The following FXR1 variants were observed in gnomAD, a reference collection of about 807,000 sequenced individuals.
FXR1 encodes RNA-binding protein FXR1.
Under a neutral mutation model 84.0 loss-of-function variants are expected in FXR1, and 15 were observed. The ratio of observed to expected loss-of-function variants is 0.18; its 90% CI spans 0.12 to 0.27. The LOEUF is 0.27. FXR1 is among the 10% of genes least tolerant of loss of function. The pLI is 1.00. For synonymous variants in FXR1, 245 were observed against 250.7 expected, an observed-to-expected ratio of 0.98 and a Z score of 0.21; for missense variants, 480 against 774.4, an observed-to-expected ratio of 0.62 and a Z score of 4.51.
chr3:180,942,357 G>A lies in FXR1; in HGVS notation c.199-5508G>A, dbSNP rs1319341753. The stretch of plus-strand genomic sequence containing the variant: ...TGCGCCACTGCACTCCAGCCTGGGC[G>A]ACAGAGCGAGACTCCGTCTCAAAAA... On this transcript the variant is annotated intron_variant, in intron 3 of 16. Transcript: ENST00000357559. Among the ~76,000 whole-genome samples the A allele has an allele frequency of 6.2e-5, 7 of 112,158 alleles. No homozygotes were observed. The East Asian group carries it at 1.1e-3, about 18-fold the overall frequency. 73.6% of individuals were successfully genotyped at this position (112,158 alleles called of 152,430 possible). A position where few individuals can be genotyped will look rare whatever the true frequency, so the allele number is the denominator to read the frequency against.
At chr3:180,974,134 A>G (rs554725572) in intron 15 of FXR1, among the ~76,000 whole-genome samples, 1 of 151,422 alleles carries the variant, frequency 6.6e-6, no homozygotes, top group East Asian at 2.0e-4. Context: ...GTATTTCTTA[A>G]AATCAGTGAA....
chr3:180,939,594 G>T (rs1244787182), intron 3 of FXR1, among the ~76,000 whole-genome samples: 1 of 152,144 alleles, frequency 6.6e-6, no homozygotes, highest in African/African-American at 2.4e-5. Flanking sequence ...CAGCCCGGGA[G>T]CTCTACCATC....
chr3:180,919,372 C>T (rs1412089753), intron 1 of FXR1, among the ~76,000 whole-genome samples: 1 of 149,836 alleles, frequency 6.7e-6, no homozygotes. Flanking sequence ...GCAACTTCCG[C>T]CTCCTGGGTT....
intron 3 of FXR1, 87 bp from the exon 4 acceptor site, chr3:180,947,778 T>G: frequency 1.8e-6 from 1 of 568,628 alleles, no homozygotes; most frequent in Non-Finnish European, 3.1e-6. Context: ...TTCTTAAGTT[T>G]ATTGGGATTG....
chr3:180,932,200 A>T (rs1425283244), intron 1 of FXR1, among the ~76,000 whole-genome samples: 1 of 151,682 alleles, frequency 6.6e-6, no homozygotes, highest in African/African-American at 2.4e-5. Flanking sequence ...GGAAGGAGTG[A>T]GATAAACAGA....
chr3:180,970,332 C>G lies in FXR1; in HGVS notation c.1577C>G (p.Thr526Arg), dbSNP rs1049973801. The G allele has an allele frequency of 1.3e-6, 2 of 1,576,102 alleles. No homozygotes were observed. The highest frequency in any genetic ancestry group is 1.4e-5 in the African/African-American group (1 of 71,630). ...VLMDGMTESD[T>R]ASVNENGLVT... ...ATGGATGGAATGACTGAATCTGATA[C>G]AGCTTCAGTTAATGAAAATGGGCTA... The change falls in exon 15 of 17, where the codon ACA becomes AGA. Residue 526 changes from threonine (T) to arginine (R), a missense_variant. Around this residue, in one of 6 missense-constraint regions of FXR1, gnomAD observed 157 missense variants for 227.8 expected, o/e 0.69. Coordinates refer to ENST00000357559, the MANE Select transcript of FXR1 (RefSeq NM_005087.4).
intron 1 of FXR1, among the ~76,000 whole-genome samples, chr3:180,916,372 G>A (rs1011500609): frequency 1.3e-5 from 2 of 152,096 alleles, no homozygotes; most frequent in Non-Finnish European, 2.9e-5. Context: ...AATTTGTATG[G>A]CCTTGGGCTG....
intron 1 of FXR1, among the ~76,000 whole-genome samples, chr3:180,926,478 G>GTATATATATATATATA (rs34325096): frequency 9.3e-5 from 7 of 75,388 alleles, no homozygotes; most frequent in South Asian, 4.8e-4. Flanking sequence ...GGATTGTACT[G>GTATATATATATATATA]TATATATATA....
chr3:180,926,370 C>T (rs556981830), intron 1 of FXR1, among the ~76,000 whole-genome samples: 2 of 151,554 alleles, frequency 1.3e-5, no homozygotes, highest in Admixed American at 1.3e-4. Context: ...GACAGGTCTC[C>T]TGCTTTACCA....
Position 180,948,494 on chromosome 3 carries a change from G to C in FXR1, c.418G>C (p.Ala140Pro). 1 of 1,594,356 alleles carries C rather than the reference G, an allele frequency of 6.3e-7. No individual in the cohort carries two copies. Among genetic ancestry groups the C allele is most frequent in the Non-Finnish European group, 8.6e-7 (1 of 1,165,572 alleles). The change falls in exon 5 of 17, where the codon GCG (alanine) becomes CCG (proline). Residue 140 changes from alanine (A) to proline (P), a missense_variant and splice_region_variant. Physicochemically the swap from Ala to Pro is conservative, Grantham distance 27. Transcript: ENST00000357559. Reference sequence around the variant, plus strand: ...GGATGTTCCTGAGGATTTGAGAGAGGCGTGAGTAATTTTATATACTATTGA... The same window carrying C: ...GGATGTTCCTGAGGATTTGAGAGAGCCGTGAGTAATTTTATATACTATTGA... The part of the protein sequence containing the change: ...TVDVPEDLRE[A>P]CANENAHKDF...
At chr3:180,974,640 G>C (rs1713997155) in intron 15 of FXR1, among the ~76,000 whole-genome samples, 1 of 152,066 alleles carries the variant, frequency 6.6e-6, no homozygotes, top group African/African-American at 2.4e-5. Context: ...ATTGGCAAAG[G>C]GGGTGTGGGA....
intron 1 of FXR1, among the ~76,000 whole-genome samples, chr3:180,926,922 A>G (rs1719297067): frequency 6.6e-6 from 1 of 152,070 alleles, no homozygotes; most frequent in Non-Finnish European, 1.5e-5. Flanking sequence ...TAATGGGTTT[A>G]TTAGGAATGT....
intron 10 of FXR1, among the ~76,000 whole-genome samples, chr3:180,959,046 T>C (rs9870089): frequency 0.031 from 4,739 of 152,110 alleles, 249 homozygotes; most frequent in African/African-American, 0.11. Flanking sequence ...GACCTTGTGA[T>C]CCACCTGCCT....
chr3:180,926,478 G>GTATA (rs34325096), intron 1 of FXR1, among the ~76,000 whole-genome samples: 4,905 of 75,114 alleles, frequency 0.065, 138 homozygotes, highest in Non-Finnish European at 0.084. Flanking sequence ...GGATTGTACT[G>GTATA]TATATATATA....
At chr3:180,933,987 G>A (rs952529924) in intron 2 of FXR1, among the ~76,000 whole-genome samples, 6 of 151,898 alleles carry the variant, frequency 4.0e-5, no homozygotes, top group African/African-American at 1.5e-4. Context: ...GTGGGGGGGC[G>A]CCTGTAATTC....
chr3:180,917,663 C>T (rs540724310), intron 1 of FXR1, among the ~76,000 whole-genome samples: 4 of 152,012 alleles, frequency 2.6e-5, no homozygotes, highest in South Asian at 4.1e-4. Flanking sequence ...AAAAAGTCAA[C>T]TTAGGCCGGG....
intron 1 of FXR1, among the ~76,000 whole-genome samples, chr3:180,930,371 G>A (rs1719745197): frequency 6.6e-6 from 1 of 152,204 alleles, no homozygotes. Context: ...GGGAAAGGTG[G>A]AAGTGGTGAT....
chr3:180,974,028 A>G (rs983674616), intron 15 of FXR1, among the ~76,000 whole-genome samples: 4 of 152,204 alleles, frequency 2.6e-5, no homozygotes, highest in South Asian at 2.1e-4. Context: ...ACTTGCTCCC[A>G]TAATTTAAAG....
intron 9 of FXR1, among the ~76,000 whole-genome samples, chr3:180,954,872 ATTTTTT>A (rs11328945): frequency 2.6e-5 from 3 of 114,540 alleles, no homozygotes; most frequent in East Asian, 2.5e-4. Flanking sequence ...TTCTAAAAAG[ATTTTTT>A]TTTTTTTTTT....
Sources: gnomAD v4.1 joint callset for allele counts (sites outside exome capture counted in the v4.1 genomes callset) on GRCh38, gnomAD v4.1.1 for gene constraint, gnomAD v4.1.1 regional missense constraint, MANE v1.5 for transcripts, NCBI Gene and HGNC (gene_info 2026-07-23, HGNC 2026-07-21) for gene names.